PIP4K2A: variants seen among roughly 807,000 people sequenced by gnomAD.
The protein encoded by PIP4K2A is phosphatidylinositol 5-phosphate 4-kinase type-2 alpha.
Under a neutral mutation model 42.9 loss-of-function variants are expected in PIP4K2A, and 14 were observed. The observed-to-expected ratio is 0.33, with a 90% CI of 0.22 to 0.51. The LOEUF is 0.51. Among genes scored for constraint, PIP4K2A ranks in the 20% least tolerant of loss-of-function variants. PIP4K2A has a pLI of 0.97. For synonymous variants in PIP4K2A, 192 were observed against 192.2 expected (o/e 1.00, Z 0.01); for missense variants, 434 against 519.8 (o/e 0.83, Z 1.61).
rs1329144292 is a variant in PIP4K2A, at chr10:22,616,081, G to T, written c.145-6364C>A. On this transcript the variant is annotated intron_variant, in intron 1 of 9. Transcript: ENST00000376573. Reference sequence around the variant, plus strand: ...GGCTCCAAAGATGACATAAAATAAAGCAGCTTTGTTGTCTGCATCAATAGA... The same window carrying T: ...GGCTCCAAAGATGACATAAAATAAATCAGCTTTGTTGTCTGCATCAATAGA... 2.6e-5 allele frequency among the ~76,000 whole-genome samples: 4 copies of T among 152,318 alleles called. No homozygotes were observed. In the East Asian group the frequency reaches 5.8e-4, roughly 22 times the overall value.
chr10:22,661,272 T>C (rs1356322645), intron 1 of PIP4K2A, among the ~76,000 whole-genome samples: 1 of 152,036 alleles, frequency 6.6e-6, no homozygotes, highest in Non-Finnish European at 1.5e-5. Flanking sequence ...AAAGCAACAC[T>C]TATCCTCCAA....
chr10:22,596,918 G>A (rs1588652366), intron 3 of PIP4K2A, among the ~76,000 whole-genome samples: 1 of 152,220 alleles, frequency 6.6e-6, no homozygotes, highest in Non-Finnish European at 1.5e-5. Context: ...CCAGAGTATG[G>A]TGGGCATTAT....
At position 22,659,896 on chromosome 10, in the gene PIP4K2A, T is replaced by C. The variant is rs1243375169; in HGVS notation, c.145-50179A>G. Among the ~76,000 whole-genome samples the C allele has an allele frequency of 2.0e-5, 3 of 152,052 alleles. No homozygotes were observed. In the South Asian group the frequency reaches 6.2e-4, roughly 32 times the overall value. Reference sequence around the variant, plus strand: ...AAAGGGCAGGTCTATCAGGAATCTCTTCCTAGGGCTGTTTTCAGACTGAGG... The same window carrying C: ...AAAGGGCAGGTCTATCAGGAATCTCCTCCTAGGGCTGTTTTCAGACTGAGG... On this transcript the variant is annotated intron_variant, in intron 1 of 9. Coordinates refer to ENST00000376573, the MANE Select transcript of PIP4K2A (RefSeq NM_005028.5).
intron 1 of PIP4K2A, among the ~76,000 whole-genome samples, chr10:22,651,043 C>T (rs1466830460): frequency 3.3e-5 from 5 of 152,178 alleles, no homozygotes; most frequent in African/African-American, 7.2e-5. Flanking sequence ...CAGACTTCCA[C>T]GACCAATGGC....
intron 4 of PIP4K2A, among the ~76,000 whole-genome samples, chr10:22,584,811 T>TA (rs1564431265): frequency 6.6e-6 from 1 of 152,214 alleles, no homozygotes; most frequent in African/African-American, 2.4e-5. Flanking sequence ...ATCTGATACT[T>TA]ACACAGGACT....
At chr10:22,598,528 T>C (rs943372582) in intron 3 of PIP4K2A, among the ~76,000 whole-genome samples, 6 of 152,206 alleles carry the variant, frequency 3.9e-5, no homozygotes, top group Non-Finnish European at 7.3e-5. Flanking sequence ...CTTCCTTCTA[T>C]TGCTGGCCCC....
At chr10:22,712,913 G>GGTGTGTGTGTGTGTGTGTGT (rs35439666) in intron 1 of PIP4K2A, among the ~76,000 whole-genome samples, 2 of 147,602 alleles carry the variant, frequency 1.4e-5, no homozygotes, top group African/African-American at 5.0e-5. Context: ...CTACATTGAG[G>GGTGTGTGTGTGTGTGTGTGT]GTGTGTGTGT....
intron 1 of PIP4K2A, among the ~76,000 whole-genome samples, chr10:22,651,220 T>C (rs563056511): frequency 2.9e-4 from 44 of 152,294 alleles, no homozygotes; most frequent in Middle Eastern, 3.4e-3. Flanking sequence ...AAGCAGACCC[T>C]TAACTGGTCT....
intron 1 of PIP4K2A, among the ~76,000 whole-genome samples, chr10:22,655,065 C>G (rs1020789169): frequency 2.0e-5 from 3 of 151,988 alleles, no homozygotes; most frequent in Non-Finnish European, 4.4e-5. Context: ...CAAAGTGAGA[C>G]TCTGTCTCTA....
intron 9 of PIP4K2A, among the ~76,000 whole-genome samples, chr10:22,538,311 T>C (rs114719017): frequency 1.0e-3 from 154 of 152,306 alleles, no homozygotes; most frequent in African/African-American, 3.7e-3. Flanking sequence ...GGAGGCGAAC[T>C]TGTGGCTTAT....
chr10:22,714,017 T>TG, intron 1 of PIP4K2A, 166 bp downstream of exon 1: 1 of 659,380 alleles, frequency 1.5e-6, no homozygotes, highest in Non-Finnish European at 2.5e-6. Context: ...CCCAGAGGGC[T>TG]GGGGGCACGC....
At chr10:22,656,107 C>T (rs1839095301) in intron 1 of PIP4K2A, among the ~76,000 whole-genome samples, 1 of 152,204 alleles carries the variant, frequency 6.6e-6, no homozygotes, top group South Asian at 2.1e-4. Flanking sequence ...TCCTATGGCA[C>T]ATTTAATGAA....
At chr10:22,564,455 T>C (rs1487753109) in intron 6 of PIP4K2A, among the ~76,000 whole-genome samples, 2 of 152,226 alleles carry the variant, frequency 1.3e-5, no homozygotes, top group African/African-American at 4.8e-5. Flanking sequence ...TGGGGCATCA[T>C]GTGACTCAGG....
chr10:22,560,179 G>A (rs957015453), intron 6 of PIP4K2A, among the ~76,000 whole-genome samples: 1 of 152,180 alleles, frequency 6.6e-6, no homozygotes, highest in Non-Finnish European at 1.5e-5. Flanking sequence ...ACAGAAGGCG[G>A]TTAAAGCATT....
chr10:22,661,626 G>A (rs1263651373), intron 1 of PIP4K2A: 1 of 152,070 alleles, frequency 6.6e-6, no homozygotes, highest in Non-Finnish European at 1.5e-5. Flanking sequence ...GCCTCCTAAC[G>A]TGCTGGGATT....
intron 1 of PIP4K2A, among the ~76,000 whole-genome samples, chr10:22,612,261 G>A (rs925387001): frequency 9.2e-5 from 14 of 152,210 alleles, no homozygotes; most frequent in Non-Finnish European, 1.9e-4. Flanking sequence ...CACATTAACT[G>A]AAGAACTGCC....
chr10:22,541,692 A>G, intron 8 of PIP4K2A, 112 bp downstream of exon 8: 12 of 1,201,854 alleles, frequency 1.0e-5, no homozygotes, highest in Non-Finnish European at 1.4e-5. Context: ...AGTTTGGAGG[A>G]TGAGTGCTGC....
chr10:22,582,426 G>C (rs1279374443), intron 4 of PIP4K2A, among the ~76,000 whole-genome samples: 1 of 152,136 alleles, frequency 6.6e-6, no homozygotes, highest in East Asian at 1.9e-4. Flanking sequence ...AGGGTTCTAA[G>C]TGATGTACTG....
intron 1 of PIP4K2A, among the ~76,000 whole-genome samples, chr10:22,640,585 G>A (rs899338936): frequency 6.6e-6 from 1 of 152,142 alleles, no homozygotes; most frequent in African/African-American, 2.4e-5. Context: ...CCAGTGACCC[G>A]TGCAGAGCCT....
Sources: allele counts gnomAD v4.1 joint callset (sites outside exome capture counted in the v4.1 genomes callset), GRCh38; gene constraint gnomAD v4.1.1; transcripts MANE v1.5; gene names NCBI Gene and HGNC (gene_info 2026-07-23, HGNC 2026-07-21).